Variants in UBE2E2 observed in about 807,000 individuals in gnomAD.
The protein encoded by UBE2E2 is ubiquitin conjugating enzyme E2 E2.
A neutral mutation model predicts 24.7 loss-of-function variants in UBE2E2; 6 were observed. That is an observed-to-expected ratio of 0.24 (90% CI 0.13 to 0.48). UBE2E2 has a LOEUF of 0.48. Ranked by LOEUF, UBE2E2 falls within the 20% of genes least tolerant of loss-of-function variation. UBE2E2 has a pLI of 0.99. For missense variants in UBE2E2, 169 were observed against 245.0 expected (o/e 0.69, Z 2.07); for synonymous variants, 104 against 83.6 (o/e 1.24, Z -1.33).
chr3:23,363,977 A>G (rs930060962), intron 3 of UBE2E2, among the ~76,000 whole-genome samples: 4 of 152,142 alleles, frequency 2.6e-5, no homozygotes, highest in African/African-American at 9.7e-5. Context: ...AATAGAAATC[A>G]ATACTAAGAA....
intron 3 of UBE2E2, among the ~76,000 whole-genome samples, chr3:23,369,664 A>G (rs1299369045): frequency 6.6e-6 from 1 of 152,156 alleles, no homozygotes; most frequent in African/African-American, 2.4e-5. Flanking sequence ...TCATCCAGCC[A>G]TCATGTGTGA....
chr3:23,332,718 T>TGCGCGC (rs1553603063), intron 3 of UBE2E2, among the ~76,000 whole-genome samples: 51 of 148,370 alleles, frequency 3.4e-4, no homozygotes, highest in Admixed American at 9.4e-4. Flanking sequence ...TGTGTGTGTG[T>TGCGCGC]GCAGCTATGG....
intron 3 of UBE2E2, among the ~76,000 whole-genome samples, chr3:23,488,367 C>T (rs918006341): frequency 3.3e-5 from 5 of 152,222 alleles, no homozygotes; most frequent in Admixed American, 6.5e-5. Flanking sequence ...AGCCCCCTAC[C>T]GCCCCGCCGA....
chr3:23,315,066 C>G (rs1011404604), intron 3 of UBE2E2, among the ~76,000 whole-genome samples: 1 of 152,188 alleles, frequency 6.6e-6, no homozygotes, highest in African/African-American at 2.4e-5. Flanking sequence ...TCTTTACCTC[C>G]TCTTTAAGGG....
At chr3:23,447,546 G>A (rs1698463802) in intron 3 of UBE2E2, among the ~76,000 whole-genome samples, 1 of 152,168 alleles carries the variant, frequency 6.6e-6, no homozygotes, top group Non-Finnish European at 1.5e-5. Context: ...CCTCAACAAT[G>A]CTCTTGATGG....
chr3:23,266,646 C>G (rs1559325515), intron 3 of UBE2E2, among the ~76,000 whole-genome samples: 1 of 151,732 alleles, frequency 6.6e-6, no homozygotes, highest in Non-Finnish European at 1.5e-5. Flanking sequence ...CGAGGAGTAT[C>G]TTTCAGAAAG....
At chr3:23,411,973 G>A (rs1334426192) in intron 3 of UBE2E2, among the ~76,000 whole-genome samples, 2 of 152,112 alleles carry the variant, frequency 1.3e-5, no homozygotes, top group Non-Finnish European at 2.9e-5. Flanking sequence ...ATGTATATAA[G>A]TGTAGAGAGA....
intron 4 of UBE2E2, among the ~76,000 whole-genome samples, chr3:23,512,517 G>T (rs1452934842): frequency 7.0e-6 from 1 of 143,854 alleles, no homozygotes; most frequent in African/African-American, 2.6e-5. Flanking sequence ...AGTATTACGG[G>T]CATGAGCCAC....
At chr3:23,401,626 T>C (rs1240008727) in intron 3 of UBE2E2, among the ~76,000 whole-genome samples, 1 of 152,102 alleles carries the variant, frequency 6.6e-6, no homozygotes, top group Non-Finnish European at 1.5e-5. Flanking sequence ...ATTAATATCT[T>C]CTTCAATTAT....
chr3:23,395,062 G>A (rs545359098), intron 3 of UBE2E2, among the ~76,000 whole-genome samples: 5 of 152,316 alleles, frequency 3.3e-5, no homozygotes, highest in Admixed American at 3.3e-4. Flanking sequence ...TGTCATGGAG[G>A]TTAAAGGTGG....
chr3:23,394,169 C>T (rs1057502847), intron 3 of UBE2E2, among the ~76,000 whole-genome samples: 15 of 152,118 alleles, frequency 9.9e-5, no homozygotes, highest in Admixed American at 7.2e-4. Flanking sequence ...TGTTTTCTGC[C>T]GTATGTGGGC....
intron 3 of UBE2E2, among the ~76,000 whole-genome samples, chr3:23,254,966 G>A (rs147555515): frequency 1.5e-3 from 223 of 151,658 alleles, no homozygotes; most frequent in African/African-American, 5.1e-3. Context: ...TTAGAAGAAA[G>A]TAATGAAAAG....
intron 3 of UBE2E2, among the ~76,000 whole-genome samples, chr3:23,263,831 C>A (rs1193535197): frequency 6.6e-6 from 1 of 152,032 alleles, no homozygotes; most frequent in Non-Finnish European, 1.5e-5. Context: ...GAATTCTTAG[C>A]ATGTTTATTA....
At chr3:23,538,594 A>G (rs1412067479) in intron 5 of UBE2E2, among the ~76,000 whole-genome samples, 1 of 152,096 alleles carries the variant, frequency 6.6e-6, no homozygotes, top group East Asian at 1.9e-4. Context: ...CCCTCCCCTA[A>G]GTTTCCCATA....
intron 3 of UBE2E2, among the ~76,000 whole-genome samples, chr3:23,497,183 A>G (rs1449946543): frequency 1.3e-5 from 2 of 152,184 alleles, no homozygotes; most frequent in East Asian, 1.9e-4. Context: ...AAGTAATTCA[A>G]CTTTTTCTTG....
At chr3:23,528,201 TGA>T (rs1695043713) in intron 4 of UBE2E2, among the ~76,000 whole-genome samples, 1 of 152,348 alleles carries the variant, frequency 6.6e-6, no homozygotes, top group South Asian at 2.1e-4. Flanking sequence ...TCTTCTGTGT[TGA>T]GAGAGTAGGA....
intron 3 of UBE2E2, among the ~76,000 whole-genome samples, chr3:23,260,752 C>T (rs912674602): frequency 6.6e-6 from 1 of 152,082 alleles, no homozygotes; most frequent in East Asian, 1.9e-4. Context: ...GTGTTTGCAC[C>T]TTGGCAGTCC....
chr3:23,551,065 A>T (rs780787703), intron 5 of UBE2E2, among the ~76,000 whole-genome samples: 2 of 151,860 alleles, frequency 1.3e-5, no homozygotes, highest in Non-Finnish European at 2.9e-5. Flanking sequence ...AAATAACTTA[A>T]CTCCCTGTTA....
At chr3:23,411,556 G>T (rs535356454) in intron 3 of UBE2E2, among the ~76,000 whole-genome samples, 2 of 152,208 alleles carry the variant, frequency 1.3e-5, no homozygotes, top group South Asian at 4.2e-4. Flanking sequence ...GGTTTTGGGG[G>T]TTGAGGTCAA....
Sources: allele counts gnomAD v4.1 joint callset (sites outside exome capture counted in the v4.1 genomes callset), GRCh38; gene constraint gnomAD v4.1.1; transcripts MANE v1.5; gene names NCBI Gene and HGNC (gene_info 2026-07-23, HGNC 2026-07-21).